CCDC12: variants seen among roughly 807,000 people sequenced by gnomAD.
CCDC12 encodes coiled-coil domain-containing protein 12.
Under a neutral mutation model 25.7 loss-of-function variants are expected in CCDC12, and 28 were observed. That is an observed-to-expected ratio of 1.09 (90% confidence interval 0.81 to 1.50). The LOEUF is 1.50. Ranked by LOEUF, CCDC12 falls within the 40% of genes most tolerant of loss-of-function variation. The pLI, the probability that CCDC12 is intolerant of heterozygous loss-of-function variation, is 0.00. For synonymous variants in CCDC12, 75 were observed against 87.7 expected, an observed-to-expected ratio of 0.86 and a Z score of 0.81; for missense variants, 198 against 210.0, an observed-to-expected ratio of 0.94 and a Z score of 0.35.
intron 2 of CCDC12, among the ~76,000 whole-genome samples, chr3:46,925,809 G>T (rs1269438315): frequency 6.6e-6 from 1 of 152,206 alleles, no homozygotes; most frequent in African/African-American, 2.4e-5. Flanking sequence ...GGACGCCTAG[G>T]GAGCATTCAC....
chr3:46,950,536 T>C lies in CCDC12; in HGVS notation c.97-9471A>G, dbSNP rs570432287. Among the ~76,000 whole-genome samples, 8 of 152,072 alleles carry C rather than the reference T, an allele frequency of 5.3e-5. 1 individual carries two copies. The South Asian group carries it at 1.7e-3, about 32-fold the overall frequency. On this transcript the variant is annotated intron_variant, in intron 1 of 6. Transcript: ENST00000683445. ...GTCTAACTATATTGCCAAGGTTGGT[T>C]TCGAGCTCCTGGGCTCAAGTAATCC...
Position 46,943,013 on chromosome 3 carries a change from G to A in CCDC12, c.97-1948C>T, listed in dbSNP as rs189587938. Among the ~76,000 whole-genome samples, 275 of 152,274 alleles carry A rather than the reference G, an allele frequency of 1.8e-3. 6 individuals carry two copies. Among genetic ancestry groups the A allele is most frequent in the Non-Finnish European group, 9.4e-4 (64 of 68,016 alleles). ...AGGTAAGACAGTCAAGGCAGGCAAT[G>A]GCCGAACACAGAGGGCTCTGGCCGG... is the stretch of plus-strand genomic sequence containing the variant. On this transcript the variant is annotated intron_variant, in intron 1 of 6. Transcript: ENST00000683445.
At chr3:46,925,315 T>G (rs1425355988) in intron 3 of CCDC12, 141 bp downstream of exon 3, 170 of 746,220 alleles carry the variant, frequency 2.3e-4, no homozygotes, top group East Asian at 3.2e-4. Flanking sequence ...GCATCTGCCA[T>G]GAGATGGTAA....
chr3:46,935,729 G>C lies in CCDC12; in HGVS notation c.164+5269C>G, dbSNP rs1263476342. On this transcript the variant is annotated intron_variant, in intron 2 of 6. Transcript: ENST00000683445. ...AGCCCAGAGAAGTAGGGCCCATCTA[G>C]GGGTAGGAATGCATCCTTTCTTCCC... 3.3e-5 allele frequency among the ~76,000 whole-genome samples: 5 copies of C among 152,338 alleles called. No individual in the cohort carries two copies. In the East Asian group the frequency reaches 9.6e-4, roughly 29 times the overall value.
chr3:46,953,749 T>C (rs1377639432), intron 1 of CCDC12, among the ~76,000 whole-genome samples: 7 of 151,910 alleles, frequency 4.6e-5, no homozygotes, highest in East Asian at 3.9e-4. Context: ...CTAACCACAG[T>C]AGCAAATGCA....
chr3:46,944,685 A>C (rs1308064952), intron 1 of CCDC12, among the ~76,000 whole-genome samples: 1 of 150,158 alleles, frequency 6.7e-6, no homozygotes, highest in Non-Finnish European at 1.5e-5. Flanking sequence ...CCTGCCTGCC[A>C]GCCAGCCTTC....
At position 46,923,626 on chromosome 3, in the gene CCDC12, T is replaced by G; in HGVS notation, c.287A>C (p.Glu96Ala). Residue 96 changes from glutamate to alanine, a missense_variant, in exon 4 of 7, where the codon GAG (glutamate) becomes GCG (alanine). Physicochemically the swap from Glu to Ala is moderately radical, Grantham distance 107. Coordinates refer to ENST00000683445, the MANE Select transcript of CCDC12 (RefSeq NM_001277074.2). ...ACTCACCACCTCCTCGATGACGGGC[T>G]CGGGCTTGGCGGCCTCCAGCTGCTC... is the stretch of plus-strand genomic sequence containing the variant. ...VKEQLEAAKPEPVIEEVDLAN... is the reference protein window; with the variant it reads ...VKEQLEAAKPAPVIEEVDLAN... 6.9e-6 allele frequency: 11 copies of G among 1,594,038 alleles called. No homozygotes were observed. Among genetic ancestry groups the G allele is most frequent in the Non-Finnish European group, 9.4e-6 (11 of 1,169,258 alleles).
intron 1 of CCDC12, among the ~76,000 whole-genome samples, chr3:46,953,544 G>C (rs2107166294): frequency 6.6e-6 from 1 of 151,518 alleles, no homozygotes; most frequent in East Asian, 1.9e-4. Flanking sequence ...ACCCTAAACA[G>C]ATTCTCTTGA....
chr3:46,963,692 G>A (rs1247152178), intron 1 of CCDC12, among the ~76,000 whole-genome samples: 3 of 152,382 alleles, frequency 2.0e-5, no homozygotes, highest in Admixed American at 2.0e-4. Flanking sequence ...TCCTAACCGC[G>A]AGTGATCCGC....
chr3:46,923,394 G>A, intron 4 of CCDC12, 31 bp from the exon 5 acceptor site: 2 of 1,533,490 alleles, frequency 1.3e-6, no homozygotes, highest in Middle Eastern at 1.8e-4. Context: ...CATCAGGGTG[G>A]AGGGGCCACC....
chr3:46,925,347 C>T, intron 3 of CCDC12, 109 bp downstream of exon 3: 1 of 932,740 alleles, frequency 1.1e-6, no homozygotes, highest in Non-Finnish European at 1.7e-6. Context: ...GCCTGCAGGC[C>T]CAACTCCTGT....
chr3:46,928,538 G>A (rs540701109), intron 2 of CCDC12, among the ~76,000 whole-genome samples: 19 of 150,868 alleles, frequency 1.3e-4, no homozygotes, highest in African/African-American at 4.6e-4. Flanking sequence ...TGGGCCTGGA[G>A]AGAAAAAAAA....
At chr3:46,962,041 A>T (rs956053261) in intron 1 of CCDC12, among the ~76,000 whole-genome samples, 1 of 152,240 alleles carries the variant, frequency 6.6e-6, no homozygotes, top group African/African-American at 2.4e-5. Context: ...AATATCATCT[A>T]GACCTATATG....
upstream of CCDC12, among the ~76,000 whole-genome samples, chr3:46,978,017 C>T (rs1289675654): frequency 6.6e-6 from 1 of 152,232 alleles, no homozygotes; most frequent in Non-Finnish European, 1.5e-5. Context: ...GACCATGCCG[C>T]CCCCTCTCCA....
chr3:46,949,600 G>A (rs928188167), intron 1 of CCDC12, among the ~76,000 whole-genome samples: 1 of 152,184 alleles, frequency 6.6e-6, no homozygotes, highest in African/African-American at 2.4e-5. Flanking sequence ...ACCAGTGGTG[G>A]GACCTCCCTG....
At chr3:46,948,583 G>A (rs976752469) in intron 1 of CCDC12, among the ~76,000 whole-genome samples, 12 of 152,328 alleles carry the variant, frequency 7.9e-5, no homozygotes, top group Admixed American at 3.3e-4. Flanking sequence ...GCATTCTAAC[G>A]GTGAGGCTTG....
intron 1 of CCDC12, among the ~76,000 whole-genome samples, chr3:46,970,784 C>T (rs2034781182): frequency 6.6e-6 from 1 of 151,370 alleles, no homozygotes; most frequent in Non-Finnish European, 1.5e-5. Context: ...CAAAGGAGGA[C>T]AGAGTGGCCT....
intron 2 of CCDC12, among the ~76,000 whole-genome samples, chr3:46,939,623 G>A (rs1559553901): frequency 6.6e-6 from 1 of 152,140 alleles, no homozygotes; most frequent in Non-Finnish European, 1.5e-5. Flanking sequence ...AGAGCTGGGG[G>A]CTGAGGCCCA....
intron 2 of CCDC12, among the ~76,000 whole-genome samples, chr3:46,933,146 T>C (rs2033298290): frequency 6.6e-6 from 1 of 152,186 alleles, no homozygotes; most frequent in African/African-American, 2.4e-5. Context: ...TCCTGCAGCC[T>C]ACCCCACAGT....
Sources: gnomAD v4.1 joint callset for allele counts (sites outside exome capture counted in the v4.1 genomes callset) on GRCh38, gnomAD v4.1.1 for gene constraint, MANE v1.5 for transcripts, NCBI Gene and HGNC (gene_info 2026-07-23, HGNC 2026-07-21) for gene names.